The following LPCAT2 variants were observed in gnomAD, a reference collection of about 807,000 sequenced individuals.
LPCAT2 encodes the protein lysophosphatidylcholine acyltransferase 2, also known as 1-AGP acyltransferase 11.
A neutral mutation model predicts 64.7 loss-of-function variants in LPCAT2; 58 were observed. That is an observed-to-expected ratio of 0.90 (90% CI 0.73 to 1.12). The LOEUF (loss-of-function observed/expected upper bound fraction) is 1.12, where lower values mean the gene tolerates loss of function less well. LPCAT2 is among the 50% of genes most tolerant of loss of function. The pLI is 0.00. For synonymous variants in LPCAT2, 252 were observed against 245.3 expected (o/e 1.03, Z -0.26); for missense variants, 579 against 669.8 (o/e 0.86, Z 1.50).
chr16:55,567,316 A>G (rs914027799), intron 11 of LPCAT2: 1 of 1,613,654 alleles, frequency 6.2e-7, no homozygotes, highest in Admixed American at 1.7e-5. Context: ...CAGCTAAATG[A>G]ACAACTTTAC....
chr16:55,547,520 T>C (rs1210353527), intron 9 of LPCAT2, among the ~76,000 whole-genome samples: 2 of 152,206 alleles, frequency 1.3e-5, no homozygotes, highest in Non-Finnish European at 2.9e-5. Flanking sequence ...CTCTATGATA[T>C]AAGTAAGAAA....
At chr16:55,542,381 A>G (rs1461309030) in intron 8 of LPCAT2, among the ~76,000 whole-genome samples, 1 of 152,194 alleles carries the variant, frequency 6.6e-6, no homozygotes. Context: ...AGCCAATTTC[A>G]GGTGCAATAG....
At chr16:55,548,493 C>T (rs1963478849) in intron 9 of LPCAT2, among the ~76,000 whole-genome samples, 1 of 152,140 alleles carries the variant, frequency 6.6e-6, no homozygotes, top group Middle Eastern at 3.2e-3. Flanking sequence ...TTTACTTACA[C>T]TATATACAAA....
rs539067793 is a variant in LPCAT2, at chr16:55,512,429, C to G, written c.171+3077C>G. Among the ~76,000 whole-genome samples the G allele has an allele frequency of 2.0e-5, 3 of 152,042 alleles. No individual in the cohort carries two copies. The South Asian group carries it at 6.2e-4, about 32-fold the overall frequency. ...AATACTTCTATACTGTGTAACATTA[C>G]CCCAGCCCCTTTTTTTCCCTGAAGG... On this transcript the variant is annotated intron_variant, in intron 1 of 13. Transcript: ENST00000262134.
intron 11 of LPCAT2, among the ~76,000 whole-genome samples, chr16:55,572,841 C>T (rs1285542263): frequency 1.3e-5 from 2 of 151,926 alleles, no homozygotes; most frequent in Non-Finnish European, 2.9e-5. Flanking sequence ...TTTAAAAAAA[C>T]CAAAGACCAA....
chr16:55,544,773 C>G lies in LPCAT2; in HGVS notation c.853-962C>G, dbSNP rs182420398. Among the ~76,000 whole-genome samples, 6 of 152,262 alleles carry G rather than the reference C, an allele frequency of 3.9e-5. No individual in the cohort carries two copies. The East Asian group carries it at 1.2e-3, about 29-fold the overall frequency. On this transcript the variant is annotated intron_variant, in intron 8 of 13. Transcript: ENST00000262134. The stretch of plus-strand genomic sequence containing the variant: ...AAAATTAATCCTTTCCTACCTCTTG[C>G]TCTCATACTCCAGGAAGGATGGTTA...
chr16:55,562,118 A>AG (rs1406924867), intron 11 of LPCAT2, among the ~76,000 whole-genome samples: 14 of 152,004 alleles, frequency 9.2e-5, no homozygotes, highest in African/African-American at 3.1e-4. Flanking sequence ...GCCACATAGC[A>AG]GTTCAAACCC....
intron 11 of LPCAT2, among the ~76,000 whole-genome samples, chr16:55,553,673 A>C (rs1963543626): frequency 6.6e-6 from 1 of 152,200 alleles, no homozygotes; most frequent in Non-Finnish European, 1.5e-5. Context: ...TCCTTCTATG[A>C]ATCATGAATG....
intron 9 of LPCAT2, among the ~76,000 whole-genome samples, chr16:55,546,093 G>A (rs141197976): frequency 1.8e-4 from 27 of 152,008 alleles, no homozygotes; most frequent in African/African-American, 6.3e-4. Flanking sequence ...GCACAGGGTG[G>A]ATTCTCCTAA....
At chr16:55,529,999 T>A in intron 4 of LPCAT2, 52 bp downstream of exon 4, 1 of 1,333,410 alleles carries the variant, frequency 7.5e-7, no homozygotes, top group South Asian at 1.3e-5. Flanking sequence ...ATTAATTGTA[T>A]GTATGTAGAC....
At chr16:55,555,672 G>A (rs1963565913) in intron 11 of LPCAT2, among the ~76,000 whole-genome samples, 1 of 152,094 alleles carries the variant, frequency 6.6e-6, no homozygotes, top group Non-Finnish European at 1.5e-5. Flanking sequence ...CCTTCTTTTA[G>A]GTGTAGTGCC....
chr16:55,573,283 C>A lies in LPCAT2; in HGVS notation c.1216-1348C>A, dbSNP rs374365246. ...TTCACAGCCCTTCCTTCCCCAAATT[C>A]ATCCATGAAACTCCAGCAAAGAATT... On this transcript the variant is annotated intron_variant, in intron 11 of 13. Coordinates refer to ENST00000262134, the MANE Select transcript of LPCAT2 (RefSeq NM_017839.5). Among the ~76,000 whole-genome samples, 184 of 152,286 alleles carry A rather than the reference C, an allele frequency of 1.2e-3. 6 individuals are homozygous for A. In the South Asian group the frequency reaches 0.034, roughly 28 times the overall value.
chr16:55,571,619 A>G (rs1022325150), intron 11 of LPCAT2, among the ~76,000 whole-genome samples: 6 of 152,154 alleles, frequency 3.9e-5, no homozygotes, highest in African/African-American at 1.4e-4. Context: ...AATATCTTCA[A>G]GTCTGGATTT....
chr16:55,549,175 T>C (rs928580492), intron 9 of LPCAT2, 102 bp from the exon 10 acceptor site: 2 of 916,584 alleles, frequency 2.2e-6, no homozygotes, highest in African/African-American at 3.6e-5. Flanking sequence ...TAGTAAATAC[T>C]TTTTCATTTG....
chr16:55,570,238 ATG>A (rs1451491765), intron 11 of LPCAT2, among the ~76,000 whole-genome samples: 1 of 152,200 alleles, frequency 6.6e-6, no homozygotes, highest in African/African-American at 2.4e-5. Flanking sequence ...CAAAATTTTT[ATG>A]TGATCTTAAA....
chr16:55,512,829 T>TGA (rs1350728038), intron 1 of LPCAT2, among the ~76,000 whole-genome samples: 3 of 152,126 alleles, frequency 2.0e-5, no homozygotes, highest in Non-Finnish European at 4.4e-5. Flanking sequence ...CTCACAAAGG[T>TGA]GATACCATAG....
intron 3 of LPCAT2, 143 bp downstream of exon 3, chr16:55,528,737 C>A: frequency 1.5e-6 from 1 of 659,540 alleles, no homozygotes; most frequent in Non-Finnish European, 2.5e-6. Flanking sequence ...TAATAAGTTA[C>A]TACATGGAAA....
chr16:55,514,920 G>T (rs1962988164), intron 1 of LPCAT2, among the ~76,000 whole-genome samples: 1 of 151,442 alleles, frequency 6.6e-6, no homozygotes, highest in Non-Finnish European at 1.5e-5. Flanking sequence ...GTGTGTGTGT[G>T]TGTGTGTGTG....
chr16:55,552,238 C>A (rs1459915619), intron 11 of LPCAT2, among the ~76,000 whole-genome samples: 1 of 152,068 alleles, frequency 6.6e-6, no homozygotes, highest in Non-Finnish European at 1.5e-5. Context: ...AAGTATAATG[C>A]ATTTGAGATC....
Sources: allele counts gnomAD v4.1 joint callset (sites outside exome capture counted in the v4.1 genomes callset), GRCh38; gene constraint gnomAD v4.1.1; transcripts MANE v1.5; gene names NCBI Gene and HGNC (gene_info 2026-07-23, HGNC 2026-07-21).